Variants in CFAP299 observed in about 807,000 individuals in gnomAD.
CFAP299 encodes the protein cilia- and flagella-associated protein 299.
Under a neutral mutation model 27.0 loss-of-function variants are expected in CFAP299, and 21 were observed. The ratio of observed to expected loss-of-function variants is 0.78; its 90% confidence interval spans 0.55 to 1.12. The LOEUF (loss-of-function observed/expected upper bound fraction) is 1.12. Ranked by LOEUF, CFAP299 falls within the 50% of genes most tolerant of loss-of-function variation. The pLI is 0.00. For synonymous variants in CFAP299, 104 were observed against 98.1 expected (o/e 1.06, Z -0.36); for missense variants, 310 against 276.6 (o/e 1.12, Z -0.86).
chr4:80,581,048 T>C (rs1376747837), intron 2 of CFAP299, among the ~76,000 whole-genome samples: 1 of 151,882 alleles, frequency 6.6e-6, no homozygotes, highest in Non-Finnish European at 1.5e-5. Flanking sequence ...GGGCCATTGG[T>C]TACTACAGTA....
At chr4:80,429,958 T>C (rs1727726093) in intron 2 of CFAP299, among the ~76,000 whole-genome samples, 2 of 152,328 alleles carry the variant, frequency 1.3e-5, no homozygotes, top group Middle Eastern at 3.4e-3. Flanking sequence ...CCAAGTTTTT[T>C]TTTATGTATA....
chr4:80,355,943 T>A (rs1028802694), intron 1 of CFAP299, among the ~76,000 whole-genome samples: 5 of 152,198 alleles, frequency 3.3e-5, no homozygotes, highest in Non-Finnish European at 7.3e-5. Context: ...TTGCCTAGAT[T>A]TTCTTCTAGG....
chr4:80,756,807 T>C (rs1458758465), intron 3 of CFAP299, among the ~76,000 whole-genome samples: 1 of 152,196 alleles, frequency 6.6e-6, no homozygotes, highest in South Asian at 2.1e-4. Flanking sequence ...CTCTGTCATA[T>C]ATAAAGTATC....
chr4:80,440,651 C>T (rs1360927212), intron 2 of CFAP299, among the ~76,000 whole-genome samples: 1 of 152,198 alleles, frequency 6.6e-6, no homozygotes, highest in Non-Finnish European at 1.5e-5. Context: ...TGCCTCTTCT[C>T]CTCTAAAGAA....
chr4:80,519,579 TA>T (rs774434024), intron 2 of CFAP299, among the ~76,000 whole-genome samples: 38 of 152,102 alleles, frequency 2.5e-4, no homozygotes, highest in Non-Finnish European at 5.9e-5. Flanking sequence ...GTGTTTGAAT[TA>T]AAACTCAAAA....
At chr4:80,802,059 C>T (rs957036036) in intron 3 of CFAP299, among the ~76,000 whole-genome samples, 11 of 152,004 alleles carry the variant, frequency 7.2e-5, no homozygotes, top group African/African-American at 1.4e-4. Flanking sequence ...CTTTTCAAAA[C>T]GTGATTTAAA....
chr4:80,646,652 A>G (rs750748969), intron 3 of CFAP299, among the ~76,000 whole-genome samples: 5 of 152,178 alleles, frequency 3.3e-5, no homozygotes, highest in South Asian at 2.1e-4. Context: ...AAAGTGCACA[A>G]TGATTCTTAT....
intron 3 of CFAP299, among the ~76,000 whole-genome samples, chr4:80,724,506 G>A (rs972941328): frequency 1.3e-5 from 2 of 152,000 alleles, no homozygotes; most frequent in African/African-American, 4.8e-5. Flanking sequence ...ATAACTCAAA[G>A]CAACTATAGC....
At chr4:80,585,860 A>G (rs13136894) in intron 3 of CFAP299, among the ~76,000 whole-genome samples, 10,950 of 152,270 alleles carry the variant, frequency 0.072, 499 homozygotes, top group Middle Eastern at 0.2. Flanking sequence ...GAATGGGAAG[A>G]TAAAGATAGA....
At chr4:80,441,170 A>G (rs958784456) in intron 2 of CFAP299, among the ~76,000 whole-genome samples, 6 of 152,194 alleles carry the variant, frequency 3.9e-5, no homozygotes, top group Non-Finnish European at 8.8e-5. Flanking sequence ...ACCTAGCAAG[A>G]CAGGGCAACA....
intron 2 of CFAP299, among the ~76,000 whole-genome samples, chr4:80,423,087 G>A (rs1467025591): frequency 6.6e-6 from 1 of 152,136 alleles, no homozygotes; most frequent in Non-Finnish European, 1.5e-5. Flanking sequence ...GATTAAATAG[G>A]TACATTTGCA....
Position 80,782,757 on chromosome 4 carries a change from AATATATAATATATTC to A in CFAP299, c.334-87223_334-87209del, listed in dbSNP as rs1358865916. Among the ~76,000 whole-genome samples, 326 of 145,884 alleles carry A rather than the reference AATATATAATATATTC, an allele frequency of 2.2e-3. 1 individual carries two copies. The highest frequency in any genetic ancestry group is 3.6e-3 in the Middle Eastern group (1 of 276). On this transcript the variant is annotated intron_variant, in intron 3 of 5. Transcript: ENST00000358105. ...TATTCACATATGGCATACATATATG[AATATATAATATATTC>A]ATATATAATATACATATATGTGTGG...
chr4:80,486,250 T>G (rs1398907015), intron 2 of CFAP299, among the ~76,000 whole-genome samples: 1 of 152,246 alleles, frequency 6.6e-6, no homozygotes, highest in East Asian at 1.9e-4. Context: ...TCACTACCCT[T>G]GTTTTCTAGA....
At chr4:80,630,637 A>G (rs1739161050) in intron 3 of CFAP299, among the ~76,000 whole-genome samples, 1 of 152,088 alleles carries the variant, frequency 6.6e-6, no homozygotes, top group Non-Finnish European at 1.5e-5. Flanking sequence ...CAAAGATATA[A>G]TGAAGTGTGC....
chr4:80,779,947 G>A (rs1019929601), intron 3 of CFAP299, among the ~76,000 whole-genome samples: 2 of 152,078 alleles, frequency 1.3e-5, no homozygotes, highest in East Asian at 3.9e-4. Context: ...ATACTGTGGA[G>A]CAGAGCTTGG....
rs35062478 is a variant in CFAP299 at position 80,646,968 on chromosome 4, T to TGA, written c.333+63805_333+63806dup. 8.2e-3 allele frequency among the ~76,000 whole-genome samples: 1,213 copies of TGA among 148,268 alleles called. 18 individuals are homozygous for TGA. The highest frequency in any genetic ancestry group is 0.049 in the South Asian group (227 of 4,678). On this transcript the variant is annotated intron_variant, in intron 3 of 5. Transcript: ENST00000358105. The stretch of plus-strand genomic sequence containing the variant: ...GTTTGGACTAGGTTTTCCAATTCTT[T>TGA]GAGAGAGAGAGAGAGAGAGAGTGTG...
At chr4:80,613,514 T>A (rs1342244556) in intron 3 of CFAP299, among the ~76,000 whole-genome samples, 3 of 152,156 alleles carry the variant, frequency 2.0e-5, no homozygotes, top group Non-Finnish European at 4.4e-5. Context: ...ATAATGTCAA[T>A]TAAGACAAAT....
intron 3 of CFAP299, among the ~76,000 whole-genome samples, chr4:80,799,562 TAAATATATATATTTATA>T (rs1728156372): frequency 1.4e-5 from 1 of 73,500 alleles, no homozygotes; most frequent in Non-Finnish European, 2.3e-5. Context: ...ATATATTTAA[TAAATATATATATTTATA>T]AAATATATTA....
intron 3 of CFAP299, among the ~76,000 whole-genome samples, chr4:80,630,831 AT>A (rs979761465): frequency 6.6e-6 from 1 of 152,022 alleles, no homozygotes; most frequent in African/African-American, 2.4e-5. Flanking sequence ...CTTGTAAATT[AT>A]TTTTTTCTTA....
Sources: allele counts gnomAD v4.1 joint callset (sites outside exome capture counted in the v4.1 genomes callset), GRCh38; gene constraint gnomAD v4.1.1; transcripts MANE v1.5; gene names NCBI Gene and HGNC (gene_info 2026-07-23, HGNC 2026-07-21).